VWA3B: variants seen among roughly 807,000 people sequenced by gnomAD.
The protein encoded by VWA3B is von Willebrand factor A domain containing 3B.
A neutral mutation model predicts 158.3 loss-of-function variants in VWA3B; 138 were observed. The observed-to-expected ratio is 0.87, with a 90% confidence interval of 0.76 to 1.00. VWA3B has a LOEUF of 1.00. VWA3B is among the 50% of genes least tolerant of loss of function. The pLI, the probability that VWA3B is intolerant of heterozygous loss-of-function variation, is 0.00. For missense variants in VWA3B, 1,555 were observed against 1,565.1 expected (o/e 0.99, Z 0.11); for synonymous variants, 596 against 587.3 (o/e 1.01, Z -0.21).
intron 26 of VWA3B, among the ~76,000 whole-genome samples, chr2:98,309,858 C>T (rs969360144): frequency 2.6e-5 from 4 of 152,176 alleles, no homozygotes; most frequent in Admixed American, 6.5e-5. Flanking sequence ...GATTAGGAGC[C>T]CCATTTCTTA....
chr2:98,151,563 CGGAGGTGG>C (rs1234316587), intron 7 of VWA3B, among the ~76,000 whole-genome samples: 2 of 152,064 alleles, frequency 1.3e-5, no homozygotes, highest in African/African-American at 4.8e-5. Flanking sequence ...TCCACTCACA[CGGAGGTGG>C]GGAGGAAAGT....
intron 20 of VWA3B, among the ~76,000 whole-genome samples, chr2:98,252,253 T>C (rs1390748202): frequency 6.6e-6 from 1 of 152,192 alleles, no homozygotes; most frequent in African/African-American, 2.4e-5. Flanking sequence ...CCAGCCTTGC[T>C]TCCTCCTGCA....
rs1206259200 is a variant in VWA3B, at chr2:98,217,072, A to G, written c.1837-774A>G. The G allele has an allele frequency of 9.0e-6, 9 of 995,352 alleles. No homozygotes were observed. In the Admixed American group the frequency reaches 1.6e-4, roughly 18 times the overall value. 61.7% of individuals were successfully genotyped at this position (995,352 alleles called of 1,614,324 possible). ...AGGATGGTGCTGGGGAGCTGGGCAG[A>G]GGGTGGGGGTTCCCCTCAATGGCAG... On this transcript the variant is annotated intron_variant, in intron 13 of 27. Transcript: ENST00000477737.
At chr2:98,119,854 TCTCTG>T in intron 4 of VWA3B, 91 bp downstream of exon 4, 5 of 1,494,078 alleles carry the variant, frequency 3.3e-6, no homozygotes, top group Non-Finnish European at 4.6e-6. Flanking sequence ...CACAGTTAGC[TCTCTG>T]GTGAGGGAAG....
At chr2:98,090,358 A>C (rs1682191048) in intron 1 of VWA3B, among the ~76,000 whole-genome samples, 1 of 152,228 alleles carries the variant, frequency 6.6e-6, no homozygotes, top group Non-Finnish European at 1.5e-5. Flanking sequence ...TCATGAAACA[A>C]AATACAATGA....
chr2:98,112,273 CTGTT>C (rs767986412), intron 2 of VWA3B, among the ~76,000 whole-genome samples: 5 of 140,238 alleles, frequency 3.6e-5, no homozygotes, highest in Non-Finnish European at 6.1e-5. Context: ...TTCTATATGT[CTGTT>C]TGGGGTGTGT....
In VWA3B at chr2:98,150,505, C is replaced by A. The variant is rs141167287; in HGVS notation, c.989-12346C>A. On this transcript the variant is annotated intron_variant, in intron 7 of 27. Coordinates refer to ENST00000477737, the MANE Select transcript of VWA3B (RefSeq NM_144992.5). Reference sequence around the variant, plus strand: ...TTCATAGCACCTGCTGAGTCAGGAGCCCTCTGAGCACTTGTGCAGAGGTGG... The same window carrying A: ...TTCATAGCACCTGCTGAGTCAGGAGACCTCTGAGCACTTGTGCAGAGGTGG... Among the ~76,000 whole-genome samples, 194 of 152,326 alleles carry A rather than the reference C, an allele frequency of 1.3e-3. 2 individuals are homozygous for A. Among genetic ancestry groups the A allele is most frequent in the African/African-American group, 3.7e-3 (155 of 41,568 alleles).
rs2104992924 is a variant in VWA3B at position 98,125,291 on chromosome 2, G to A, written c.703-2948G>A. 1.3e-5 allele frequency among the ~76,000 whole-genome samples: 2 copies of A among 152,342 alleles called. 1 individual carries two copies. The highest frequency in any genetic ancestry group is 4.1e-4 in the South Asian group (2 of 4,828). ...GAAGTGAAAAAAGTGACTGTCTGGG[G>A]CCACCTTCTATTGCTTGCTCTTACT... is the stretch of plus-strand genomic sequence containing the variant. On this transcript the variant is annotated intron_variant, in intron 5 of 27. Coordinates refer to ENST00000477737, the MANE Select transcript of VWA3B (RefSeq NM_144992.5). The surrounding 1 kb of genome is among the most constrained non-coding windows in gnomAD (Gnocchi z 4.1).
chr2:98,192,018 T>C (rs961072206), intron 10 of VWA3B, among the ~76,000 whole-genome samples: 1 of 152,242 alleles, frequency 6.6e-6, no homozygotes, highest in African/African-American at 2.4e-5. Flanking sequence ...ACGCAGTCCT[T>C]CTCACACAGC....
At chr2:98,240,494 T>C (rs1273802445) in intron 19 of VWA3B, among the ~76,000 whole-genome samples, 3 of 152,222 alleles carry the variant, frequency 2.0e-5, no homozygotes, top group Non-Finnish European at 2.9e-5. Flanking sequence ...CCAAAGGGTA[T>C]GTGCATTTTA....
chr2:98,100,649 C>T (rs1488918417), intron 2 of VWA3B, among the ~76,000 whole-genome samples: 2 of 152,160 alleles, frequency 1.3e-5, no homozygotes, highest in African/African-American at 2.4e-5. Flanking sequence ...CCACGAGTAC[C>T]GGCCTGCAGT....
At chr2:98,129,000 G>T (rs920492253) in intron 6 of VWA3B, among the ~76,000 whole-genome samples, 5 of 152,234 alleles carry the variant, frequency 3.3e-5, no homozygotes, top group Non-Finnish European at 7.3e-5. Context: ...CTCCTCCTGG[G>T]AACTGGGCTA....
At chr2:98,177,156 C>G (rs1680080969) in intron 8 of VWA3B, among the ~76,000 whole-genome samples, 1 of 152,016 alleles carries the variant, frequency 6.6e-6, no homozygotes, top group African/African-American at 2.4e-5. Flanking sequence ...TGTGTGTGGC[C>G]CTGGCTATAG....
intron 11 of VWA3B, among the ~76,000 whole-genome samples, chr2:98,194,032 G>C (rs1681821363): frequency 6.6e-6 from 1 of 151,966 alleles, no homozygotes; most frequent in Non-Finnish European, 1.5e-5. Context: ...TATTGTATTT[G>C]GTGTGCTTAT....
intron 21 of VWA3B, 91 bp from the exon 22 acceptor site, chr2:98,270,590 AG>A: frequency 7.6e-7 from 1 of 1,320,708 alleles, no homozygotes; most frequent in South Asian, 1.5e-5. Context: ...AGAATTTCTT[AG>A]GAAACCATCT....
intron 7 of VWA3B, among the ~76,000 whole-genome samples, chr2:98,153,927 T>C (rs188119115): frequency 6.6e-6 from 1 of 152,296 alleles, no homozygotes; most frequent in African/African-American, 2.4e-5. Context: ...AATGGCGCAA[T>C]CTCGGCTCAC....
At chr2:98,243,267 A>G (rs1387924241) in intron 19 of VWA3B, among the ~76,000 whole-genome samples, 1 of 152,176 alleles carries the variant, frequency 6.6e-6, no homozygotes, top group Non-Finnish European at 1.5e-5. Context: ...ATTGAAATAT[A>G]TTAATTTAAA....
intron 23 of VWA3B, among the ~76,000 whole-genome samples, chr2:98,292,539 A>C (rs62155286): frequency 6.6e-6 from 1 of 152,118 alleles, no homozygotes; most frequent in South Asian, 2.1e-4. Flanking sequence ...AGGGCTGGGA[A>C]TCTTCCATTT....
chr2:98,118,675 C>T (rs543397365), intron 3 of VWA3B, among the ~76,000 whole-genome samples: 41 of 152,260 alleles, frequency 2.7e-4, no homozygotes, highest in African/African-American at 9.4e-4. Flanking sequence ...GAGCCAGCAA[C>T]GGCTACCCTC....
Sources: gnomAD v4.1 joint callset for allele counts (sites outside exome capture counted in the v4.1 genomes callset) on GRCh38, gnomAD v4.1.1 for gene constraint, Gnocchi (gnomAD v3.1) non-coding constraint, MANE v1.5 for transcripts, NCBI Gene and HGNC (gene_info 2026-07-23, HGNC 2026-07-21) for gene names.